The following EXOC5 variants were observed in gnomAD, a reference collection of about 807,000 sequenced individuals.
EXOC5 encodes exocyst complex component 5.
A neutral mutation model predicts 90.8 loss-of-function variants in EXOC5; 17 were observed. The observed-to-expected ratio is 0.19, with a 90% CI of 0.13 to 0.28. EXOC5 has a LOEUF of 0.28. Ranked by LOEUF, EXOC5 falls within the 10% of genes least tolerant of loss-of-function variation. EXOC5 has a pLI of 1.00. For missense variants in EXOC5, 569 were observed against 830.6 expected, an observed-to-expected ratio of 0.69 and a Z score of 3.87; for synonymous variants, 260 against 270.0, an observed-to-expected ratio of 0.96 and a Z score of 0.36.
At chr14:57,211,760 C>T (rs1174858688) in intron 15 of EXOC5, 1 of 152,308 alleles carries the variant, frequency 6.6e-6, no homozygotes, top group African/African-American at 2.4e-5. Context: ...GTAGTCCCAG[C>T]TACTCAGGAG....
chr14:57,251,302 G>C (rs904594621), intron 1 of EXOC5, among the ~76,000 whole-genome samples: 15 of 152,210 alleles, frequency 9.9e-5, no homozygotes, highest in African/African-American at 3.1e-4. Flanking sequence ...CCAAATATCT[G>C]AGATCCCTGC....
At chr14:57,212,064 A>C (rs558801051) in intron 15 of EXOC5, among the ~76,000 whole-genome samples, 1 of 152,258 alleles carries the variant, frequency 6.6e-6, no homozygotes, top group Admixed American at 6.5e-5. Context: ...GGGTCTCACT[A>C]TGTTGCCTCA....
chr14:57,268,798 G>T lies in EXOC5; in HGVS notation c.-150C>A, dbSNP rs1274004841. 2.8e-6 allele frequency: 4 copies of T among 1,408,084 alleles called. No homozygotes were observed. In the South Asian group the frequency reaches 4.5e-5, roughly 16 times the overall value. The allele number at this position is 1,408,084 out of a possible 1,614,324, so 87.2% of individuals were successfully genotyped here. A position where few individuals can be genotyped will look rare whatever the true frequency, so the allele number is the denominator to read the frequency against. On this transcript the variant is annotated 5_prime_UTR_variant, in exon 1 of 18. Transcript: ENST00000621441. Reference sequence around the variant, plus strand: ...CCCCAGCTCCCCACAGATCCCAGGAGGGGCGGGAGAGCGGCCATGAAGCGA... The same window carrying T: ...CCCCAGCTCCCCACAGATCCCAGGATGGGCGGGAGAGCGGCCATGAAGCGA...
chr14:57,239,054 A>C (rs912023972), intron 5 of EXOC5, among the ~76,000 whole-genome samples: 2 of 152,088 alleles, frequency 1.3e-5, no homozygotes, highest in Non-Finnish European at 2.9e-5. Flanking sequence ...TTTAAAAAAA[A>C]GGGGTTCTTA....
chr14:57,226,823 T>G (rs940948159), intron 12 of EXOC5, among the ~76,000 whole-genome samples: 1 of 152,210 alleles, frequency 6.6e-6, no homozygotes, highest in African/African-American at 2.4e-5. Context: ...CTGTATAACT[T>G]AACTCAAAAT....
intron 5 of EXOC5, 68 bp downstream of exon 5, chr14:57,239,527 G>A (rs1046024813): frequency 2.3e-4 from 215 of 916,220 alleles, no homozygotes; most frequent in Admixed American, 9.7e-4. Context: ...AATCATACAG[G>A]AAAAGATACT....
intron 1 of EXOC5, among the ~76,000 whole-genome samples, chr14:57,261,950 T>C (rs1884515255): frequency 6.6e-6 from 1 of 152,180 alleles, no homozygotes; most frequent in South Asian, 2.1e-4. Flanking sequence ...CTACTTCCTA[T>C]GGGAGGGGCA....
intron 12 of EXOC5, among the ~76,000 whole-genome samples, chr14:57,225,030 C>CCA (rs1883262703): frequency 1.3e-5 from 2 of 152,104 alleles, no homozygotes; most frequent in South Asian, 4.1e-4. Context: ...CCACTGCACT[C>CCA]CAGCCTGGGC....
intron 9 of EXOC5, 146 bp from the exon 10 acceptor site, chr14:57,232,895 C>T (rs746863208): frequency 7.8e-6 from 4 of 510,964 alleles, no homozygotes; most frequent in Non-Finnish European, 1.4e-5. Flanking sequence ...AGAAAACAAA[C>T]CAATCATAAA....
At chr14:57,260,413 C>G (rs1190733451) in intron 1 of EXOC5, among the ~76,000 whole-genome samples, 2 of 152,082 alleles carry the variant, frequency 1.3e-5, no homozygotes, top group Non-Finnish European at 2.9e-5. Context: ...TGTTAACATT[C>G]AATCTTGAAG....
chr14:57,248,090 C>T (rs1884080990), intron 1 of EXOC5, among the ~76,000 whole-genome samples: 1 of 148,024 alleles, frequency 6.8e-6, no homozygotes, highest in South Asian at 2.1e-4. Flanking sequence ...AAAAATCTCA[C>T]AAAGTTTTTT....
intron 12 of EXOC5, among the ~76,000 whole-genome samples, chr14:57,226,052 A>G (rs1883297891): frequency 6.6e-6 from 1 of 152,238 alleles, no homozygotes; most frequent in Non-Finnish European, 1.5e-5. Flanking sequence ...GGACAGAGGA[A>G]GCAATCAGAT....
At chr14:57,251,846 A>G (rs1208125345) in intron 1 of EXOC5, among the ~76,000 whole-genome samples, 1 of 152,146 alleles carries the variant, frequency 6.6e-6, no homozygotes, top group Non-Finnish European at 1.5e-5. Context: ...GAAGGCTCAA[A>G]TTACTAAAAT....
At chr14:57,212,167 G>C (rs574427761) in intron 15 of EXOC5, among the ~76,000 whole-genome samples, 1 of 152,136 alleles carries the variant, frequency 6.6e-6, no homozygotes, top group Admixed American at 6.5e-5. Flanking sequence ...GCCCACCCAA[G>C]AAAGTGTTTC....
intron 1 of EXOC5, among the ~76,000 whole-genome samples, chr14:57,260,156 G>A (rs1884457024): frequency 6.6e-6 from 1 of 152,088 alleles, no homozygotes. Context: ...TTTTCAGTGA[G>A]ATTCTTTACG....
intron 7 of EXOC5, among the ~76,000 whole-genome samples, chr14:57,234,373 A>G (rs939927912): frequency 3.3e-5 from 5 of 150,912 alleles, no homozygotes; most frequent in African/African-American, 9.8e-5. Context: ...ACACCCACTC[A>G]CACCCACCCA....
At position 57,210,467 on chromosome 14, in the gene EXOC5, CATA is replaced by C. The variant is rs199517378; in HGVS notation, c.1614-409_1614-407del. On this transcript the variant is annotated intron_variant, in intron 15 of 17. Transcript: ENST00000621441. ...TCAGATTTTGGAATATTTGTACATA[CATA>C]ATAAGATATCTTGGGGACGGGACCC... Among the ~76,000 whole-genome samples, 1,147 of 152,264 alleles carry C rather than the reference CATA, an allele frequency of 7.5e-3. 17 individuals carry two copies. Among genetic ancestry groups the C allele is most frequent in the African/African-American group, 0.026 (1,086 of 41,550 alleles).
chr14:57,235,931 G>A, intron 6 of EXOC5, 111 bp from the exon 7 acceptor site: 1 of 631,350 alleles, frequency 1.6e-6, no homozygotes, highest in Non-Finnish European at 2.9e-6. Flanking sequence ...TTCTTTTGAA[G>A]GAATTACAAA....
chr14:57,251,537 G>A (rs2139659480), intron 1 of EXOC5, among the ~76,000 whole-genome samples: 1 of 152,168 alleles, frequency 6.6e-6, no homozygotes, highest in East Asian at 1.9e-4. Flanking sequence ...TGAAGGCAGT[G>A]CTAAGGAGTA....
Sources: gnomAD v4.1 joint callset for allele counts (sites outside exome capture counted in the v4.1 genomes callset) on GRCh38, gnomAD v4.1.1 for gene constraint, MANE v1.5 for transcripts, NCBI Gene and HGNC (gene_info 2026-07-23, HGNC 2026-07-21) for gene names.